The following RETREG1 variants were observed in gnomAD, a reference collection of about 807,000 sequenced individuals.
RETREG1 encodes the protein family with sequence similarity 134 member B.
RETREG1 carries 44 observed loss-of-function variants against 54.8 expected under a neutral mutation model. The ratio of observed to expected loss-of-function variants is 0.80; its 90% CI spans 0.63 to 1.03. The LOEUF (loss-of-function observed/expected upper bound fraction) is 1.03, where lower values mean the gene tolerates loss of function less well. Among genes scored for constraint, RETREG1 ranks in the 50% least tolerant of loss-of-function variants. RETREG1 has a pLI of 0.00. For missense variants in RETREG1, 554 were observed against 605.1 expected (o/e 0.92, Z 0.89); for synonymous variants, 217 against 238.5 (o/e 0.91, Z 0.83).
intron 2 of RETREG1, among the ~76,000 whole-genome samples, chr5:16,567,827 G>A (rs1261724124): frequency 2.0e-5 from 3 of 152,114 alleles, no homozygotes; most frequent in Non-Finnish European, 4.4e-5. Context: ...CAAGTGTGGT[G>A]GCATGCACCT....
At chr5:16,475,524 G>A (rs533952230) in intron 8 of RETREG1, among the ~76,000 whole-genome samples, 3 of 152,204 alleles carry the variant, frequency 2.0e-5, no homozygotes, top group Non-Finnish European at 4.4e-5. Context: ...TCTGATATTA[G>A]CTTGAGGTTT....
Position 16,616,923 on chromosome 5 carries a change from G to A in RETREG1, c.49C>T (p.Pro17Ser), listed in dbSNP as rs1211614420. 1.4e-6 allele frequency: 2 copies of A among 1,476,860 alleles called. No individual in the cohort carries two copies. The highest frequency in any genetic ancestry group is 1.5e-5 in the African/African-American group (1 of 68,102). The allele number at this position is 1,476,860 out of a possible 1,614,324, so 91.5% of individuals were successfully genotyped here. Reference protein sequence around the residue: ...PEHAEEGCPAPAAEEQAPPSP... With the variant: ...PEHAEEGCPASAAEEQAPPSP... ...GGCGGCGCCTGCTCCTCGGCGGCAGGAGCCGGGCATCCCTCCTCGGCGTGC... is the reference window on the plus strand; with the variant it reads ...GGCGGCGCCTGCTCCTCGGCGGCAGAAGCCGGGCATCCCTCCTCGGCGTGC... Residue 17 changes from proline (P) to serine (S), a missense_variant, in exon 1 of 9, where the codon CCT becomes TCT. Physicochemically the swap from Pro to Ser is moderately conservative, Grantham distance 74 (BLOSUM62 -1). Coordinates refer to ENST00000306320, the MANE Select transcript of RETREG1 (RefSeq NM_001034850.3).
At chr5:16,498,235 T>G (rs1005407523) in intron 3 of RETREG1, among the ~76,000 whole-genome samples, 3 of 152,172 alleles carry the variant, frequency 2.0e-5, no homozygotes, top group African/African-American at 7.2e-5. Context: ...AGAGTGTACT[T>G]ACACAAACCT....
chr5:16,489,877 T>G (rs567757566), intron 3 of RETREG1, among the ~76,000 whole-genome samples: 7 of 152,246 alleles, frequency 4.6e-5, no homozygotes, highest in Non-Finnish European at 8.8e-5. Flanking sequence ...GCTTGTTAAA[T>G]GTAAGATCTT....
chr5:16,577,550 C>T (rs983346982), intron 1 of RETREG1, among the ~76,000 whole-genome samples: 5 of 152,170 alleles, frequency 3.3e-5, no homozygotes, highest in East Asian at 1.9e-4. Context: ...TGGAGCTCGT[C>T]GGAAAGGCAG....
At chr5:16,531,420 C>CA (rs1472440862) in intron 3 of RETREG1, among the ~76,000 whole-genome samples, 4 of 152,124 alleles carry the variant, frequency 2.6e-5, no homozygotes, top group African/African-American at 9.7e-5. Context: ...AATTGCAGGC[C>CA]AGGCGTCAGG....
intron 2 of RETREG1, among the ~76,000 whole-genome samples, chr5:16,571,576 T>C (rs1742173317): frequency 6.6e-6 from 1 of 152,172 alleles, no homozygotes; most frequent in African/African-American, 2.4e-5. Context: ...TATTATCAAC[T>C]CATTTTTTAA....
In RETREG1 at chr5:16,547,151, C is replaced by T. The variant is rs148529908; in HGVS notation, c.458+18612G>A. On this transcript the variant is annotated intron_variant, in intron 3 of 8. Coordinates refer to ENST00000306320, the MANE Select transcript of RETREG1 (RefSeq NM_001034850.3). ...AATGGAAGTCTACAGCTCAAGACAC[C>T]CACAGGGAAGGTGGCCCCAAAGTTT... Among the ~76,000 whole-genome samples the T allele has an allele frequency of 5.9e-3, 895 of 152,284 alleles. 6 individuals are homozygous for T. The highest frequency in any genetic ancestry group is 0.021 in the African/African-American group (852 of 41,558).
chr5:16,589,691 G>A (rs375944365), intron 1 of RETREG1, among the ~76,000 whole-genome samples: 21 of 152,148 alleles, frequency 1.4e-4, no homozygotes, highest in African/African-American at 5.1e-4. Context: ...TTTTCTACCT[G>A]CCAGCATGGA....
intron 1 of RETREG1, among the ~76,000 whole-genome samples, chr5:16,578,701 C>CA (rs1257935266): frequency 6.6e-6 from 1 of 152,206 alleles, no homozygotes; most frequent in Non-Finnish European, 1.5e-5. Context: ...TTTCTTGCAG[C>CA]ATTCAATTTC....
chr5:16,485,933 C>T (rs1739000271), intron 3 of RETREG1, among the ~76,000 whole-genome samples: 1 of 152,068 alleles, frequency 6.6e-6, no homozygotes, highest in African/African-American at 2.4e-5. Context: ...TAGATAAACA[C>T]TATTTGCTGG....
intron 1 of RETREG1, among the ~76,000 whole-genome samples, chr5:16,575,963 G>A (rs1742306570): frequency 6.6e-6 from 1 of 152,128 alleles, no homozygotes; most frequent in Non-Finnish European, 1.5e-5. Flanking sequence ...ACTTGTGATT[G>A]GAAATTTAAA....
In RETREG1 at chr5:16,495,082, A is replaced by G. The variant is rs559801148; in HGVS notation, c.459-11610T>C. ...TGTGCCCCTGCCCTGTGAAACTCTG[A>G]ACTTAAAGAGTGATGATTTAGGTAT... On this transcript the variant is annotated intron_variant, in intron 3 of 8. Coordinates refer to ENST00000306320, the MANE Select transcript of RETREG1 (RefSeq NM_001034850.3). 3.9e-5 allele frequency among the ~76,000 whole-genome samples: 6 copies of G among 152,310 alleles called. No individual in the cohort carries two copies. In the East Asian group the frequency reaches 5.8e-4, roughly 15 times the overall value.
chr5:16,526,029 C>T (rs988053864), intron 3 of RETREG1, among the ~76,000 whole-genome samples: 14 of 152,212 alleles, frequency 9.2e-5, no homozygotes, highest in African/African-American at 3.4e-4. Flanking sequence ...AGTGCTCTGA[C>T]TTAACCACAT....
At chr5:16,503,519 A>C (rs1187084025) in intron 3 of RETREG1, among the ~76,000 whole-genome samples, 1 of 152,020 alleles carries the variant, frequency 6.6e-6, no homozygotes, top group Non-Finnish European at 1.5e-5. Flanking sequence ...ATACCAAAAA[A>C]TTAGCTGGGC....
chr5:16,491,703 G>A (rs147620847), intron 3 of RETREG1, among the ~76,000 whole-genome samples: 60 of 152,220 alleles, frequency 3.9e-4, no homozygotes, highest in African/African-American at 1.4e-3. Flanking sequence ...CAAATGGGCA[G>A]TTAAAATGCC....
intron 3 of RETREG1, among the ~76,000 whole-genome samples, chr5:16,522,780 G>T (rs1740576164): frequency 6.6e-6 from 1 of 152,114 alleles, no homozygotes; most frequent in African/African-American, 2.4e-5. Context: ...TAAGGTGGGA[G>T]GATCGCTTGA....
At chr5:16,485,990 A>C (rs1417426288) in intron 3 of RETREG1, among the ~76,000 whole-genome samples, 1 of 152,198 alleles carries the variant, frequency 6.6e-6, no homozygotes. Context: ...CCATAGTCAT[A>C]AGAAAACACT....
intron 3 of RETREG1, among the ~76,000 whole-genome samples, chr5:16,506,867 G>A (rs956544625): frequency 2.0e-5 from 3 of 152,150 alleles, no homozygotes; most frequent in Non-Finnish European, 4.4e-5. Flanking sequence ...GTAGGGGGAG[G>A]TGGCACAGGA....
Sources: gnomAD v4.1 joint callset for allele counts (sites outside exome capture counted in the v4.1 genomes callset) on GRCh38, gnomAD v4.1.1 for gene constraint, MANE v1.5 for transcripts, NCBI Gene and HGNC (gene_info 2026-07-23, HGNC 2026-07-21) for gene names.